MBTPS1: variants seen among roughly 807,000 people sequenced by gnomAD.
MBTPS1 encodes the protein membrane bound transcription factor peptidase, site 1.
A neutral mutation model predicts 127.8 loss-of-function variants in MBTPS1; 94 were observed. That is an observed-to-expected ratio of 0.74 (90% CI 0.62 to 0.87). The LOEUF (loss-of-function observed/expected upper bound fraction) is 0.87, where lower values mean the gene tolerates loss of function less well. MBTPS1 is among the 40% of genes least tolerant of loss of function. The probability of loss-of-function intolerance (pLI) is 0.00; values close to 1 mark genes in which losing one functional copy is unlikely to be tolerated. For missense variants in MBTPS1, 1,636 were observed against 1,353.2 expected (o/e 1.21, Z -3.28); for synonymous variants, 632 against 509.4 (o/e 1.24, Z -3.24).
At chr16:84,116,591 G>GC (rs996416346) in intron 1 of MBTPS1, 144 bp downstream of exon 1, 1 of 152,096 alleles carries the variant, frequency 6.6e-6, no homozygotes, top group African/African-American at 2.4e-5. Flanking sequence ...AGCGCCGGAG[G>GC]CCCCGCGCCC....
Position 84,074,563 on chromosome 16 carries a change from TCAAGTCAGAGAC to T in MBTPS1, c.1593+22_1593+33del, listed in dbSNP as rs758700125. 5.0e-6 allele frequency: 8 copies of T among 1,606,484 alleles called. No individual in the cohort carries two copies. In the East Asian group the frequency reaches 1.8e-4, roughly 36 times the overall value. ...GTCTGGGCTGTGTCTAAGTTCACCA[TCAAGTCAGAGAC>T]CAAGTCAGAGAGAAGTTTCACCTTA... On this transcript the variant is annotated intron_variant, in intron 12 of 22. Coordinates refer to ENST00000343411, the MANE Select transcript of MBTPS1 (RefSeq NM_003791.4).
rs752205348 is a variant in MBTPS1 at position 84,090,951 on chromosome 16, G to A, written c.964-9C>T. ...GCTGTTAATTCCCACACCTACAAAAGGAGCATTTATTTAATGAAAGTATCC... is the reference window on the plus strand; with the variant it reads ...GCTGTTAATTCCCACACCTACAAAAAGAGCATTTATTTAATGAAAGTATCC... On this transcript the variant is annotated splice_polypyrimidine_tract_variant and intron_variant, in intron 7 of 22. Transcript: ENST00000343411. 13 of 1,594,658 alleles carry A rather than the reference G, an allele frequency of 8.2e-6. No individual in the cohort carries two copies. The South Asian group carries it at 1.4e-4, about 18-fold the overall frequency.
At position 84,070,744 on chromosome 16, in the gene MBTPS1, T is replaced by G. The variant is rs759027685; in HGVS notation, c.1626A>C (p.Gly542=). ...PDWQPYLPQN[G]DNIEVAFSYS... Reference sequence around the variant, plus strand: ...AGGAGAAGGCAACTTCAATGTTGTCTCCGTTCTGTGGCAAATAGGGCTGCC... The same window carrying G: ...AGGAGAAGGCAACTTCAATGTTGTCGCCGTTCTGTGGCAAATAGGGCTGCC... The change falls in exon 13 of 23, where the codon GGA becomes GGC. Residue 542 remains glycine (G), a synonymous_variant. Transcript: ENST00000343411. 6.2e-7 allele frequency: 1 copy of G among 1,613,514 alleles called. No individual in the cohort carries two copies. Among genetic ancestry groups the G allele is most frequent in the Non-Finnish European group, 8.5e-7 (1 of 1,179,802 alleles).
chr16:84,054,368 AGCC>A lies in MBTPS1; in HGVS notation c.*78_*80del. 7.6e-7 allele frequency: 1 copy of A among 1,324,414 alleles called. No individual in the cohort carries two copies. The highest frequency in any genetic ancestry group is 1.0e-6 in the Non-Finnish European group (1 of 986,774). The allele number at this position is 1,324,414 out of a possible 1,614,324, so 82.0% of individuals were successfully genotyped here. The stretch of plus-strand genomic sequence containing the variant: ...CTGGAAACTGGATCCCTTTTAAACC[AGCC>A]GCCACCACAGCTCGGCTCACCCACC... On this transcript the variant is annotated 3_prime_UTR_variant, in exon 23 of 23. Coordinates refer to ENST00000343411, the MANE Select transcript of MBTPS1 (RefSeq NM_003791.4).
At chr16:84,109,462 G>A (rs978111859) in intron 1 of MBTPS1, 1 of 152,182 alleles carries the variant, frequency 6.6e-6, no homozygotes, top group Non-Finnish European at 1.5e-5. Flanking sequence ...TTACAGTGGA[G>A]AAGCTCCACC....
In MBTPS1 at chr16:84,087,473, C is replaced by CAAAAAAAAAAAAAAAGAAAAAAAA; in HGVS notation, c.1032-14_1032-13insTTTTTTTTCTTTTTTTTTTTTTTT. The CAAAAAAAAAAAAAAAGAAAAAAAA allele has an allele frequency of 9.7e-7, 1 of 1,036,174 alleles. No homozygotes were observed. The highest frequency in any genetic ancestry group is 2.5e-5 in the East Asian group (1 of 39,308). The allele number at this position is 1,036,174 out of a possible 1,614,324, so 64.2% of individuals were successfully genotyped here. Reference sequence around the variant, plus strand: ...GTTATTCAGAGTGCTATATTGAGACCAAAAAAAAAAAAAAAGAAAAGAAAA... The same window carrying CAAAAAAAAAAAAAAAGAAAAAAAA: ...GTTATTCAGAGTGCTATATTGAGACCAAAAAAAAAAAAAAAGAAAAAAAAAAAAAAAAAAAAAAAGAAAAGAAAA... On this transcript the variant is annotated splice_polypyrimidine_tract_variant and intron_variant, in intron 8 of 22. Transcript: ENST00000343411.
Position 84,102,092 on chromosome 16 carries a change from A to AC in MBTPS1, c.-310dup, listed in dbSNP as rs1444263021. On this transcript the variant is annotated 5_prime_UTR_variant, in exon 2 of 23. Transcript: ENST00000343411. Reference sequence around the variant, plus strand: ...AACGTCCAATGGGGTTGATCAATCAACCACTGTGAGCCAATCTATGAAACA... The same window carrying AC: ...AACGTCCAATGGGGTTGATCAATCAACCCACTGTGAGCCAATCTATGAAACA... 1.2e-5 allele frequency: 3 copies of AC among 246,214 alleles called. No individual in the cohort carries two copies. Among genetic ancestry groups the AC allele is most frequent in the African/African-American group, 6.7e-5 (3 of 44,768 alleles). 15.3% of individuals were successfully genotyped at this position (246,214 alleles called of 1,614,324 possible). A position where few individuals can be genotyped will look rare whatever the true frequency, so the allele number is the denominator to read the frequency against.
intron 12 of MBTPS1, among the ~76,000 whole-genome samples, chr16:84,073,842 TA>T (rs1274492920): frequency 1.3e-5 from 2 of 151,964 alleles, no homozygotes; most frequent in East Asian, 3.9e-4. Context: ...CTGTCTCCAC[TA>T]AAAATGCAAA....
At chr16:84,108,451 A>G (rs185305671) in intron 1 of MBTPS1, among the ~76,000 whole-genome samples, 83 of 152,216 alleles carry the variant, frequency 5.5e-4, no homozygotes, top group African/African-American at 1.9e-3. Context: ...TTTAGTAGAG[A>G]CAGGATTTTG....
Position 84,065,678 on chromosome 16 carries a change from G to C in MBTPS1, c.2431+12C>G. 6.3e-7 allele frequency: 1 copy of C among 1,599,502 alleles called. No homozygotes were observed. The highest frequency in any genetic ancestry group is 8.6e-7 in the Non-Finnish European group (1 of 1,167,340). ...AAGAAGAAGCAAAAGGCCCATGAAT[G>C]GCATCCTTTACCTTGGTCCTTGAAA... is the stretch of plus-strand genomic sequence containing the variant. On this transcript the variant is annotated intron_variant, in intron 18 of 22. Transcript: ENST00000343411.
intron 14 of MBTPS1, among the ~76,000 whole-genome samples, chr16:84,068,936 C>T (rs2085730224): frequency 2.0e-5 from 3 of 152,176 alleles, no homozygotes; most frequent in Admixed American, 2.0e-4. Flanking sequence ...GCTCACTTTC[C>T]TATGGGACAC....
intron 17 of MBTPS1, 81 bp from the exon 18 acceptor site, chr16:84,065,848 T>C: frequency 2.6e-6 from 2 of 774,074 alleles, no homozygotes; most frequent in Admixed American, 2.8e-5. Context: ...TTACCCAAAA[T>C]ACATTCTTCA....
In MBTPS1 at chr16:84,056,121, T is replaced by C. The variant is rs141348745; in HGVS notation, c.2846A>G (p.His949Arg). Residue 949 changes from histidine (H) to arginine (R), a missense_variant, in exon 22 of 23, where the codon CAT becomes CGT. His to Arg is a conservative substitution (Grantham distance 29, BLOSUM62 0). Transcript: ENST00000343411. Reference sequence around the variant, plus strand: ...CAGGTCAATGGAGAGTAGCTTCTGATGTTTCCAAAGGTTACTTCAGGAAAA... The same window carrying C: ...CAGGTCAATGGAGAGTAGCTTCTGACGTTTCCAAAGGTTACTTCAGGAAAA... ...NETAPSNLWK[H>R]QKLLSIDLDK... 3.7e-6 allele frequency: 6 copies of C among 1,614,086 alleles called. No homozygotes were observed. In the African/African-American group the frequency reaches 8.0e-5, roughly 22 times the overall value.
intron 12 of MBTPS1, among the ~76,000 whole-genome samples, chr16:84,074,237 CT>C (rs779174930): frequency 1.6e-3 from 228 of 144,064 alleles, no homozygotes; most frequent in Middle Eastern, 7.1e-3. Context: ...GGGCTATTTC[CT>C]TTTTTTTTTT....
chr16:84,059,318 T>C lies in MBTPS1; in HGVS notation c.2815A>G (p.Asn939Asp). 6.2e-7 allele frequency: 1 copy of C among 1,613,770 alleles called. No homozygotes were observed. Among genetic ancestry groups the C allele is most frequent in the South Asian group, 1.1e-5 (1 of 91,060 alleles). ...RLSWAKPQPL[N>D]ETAPSNLWKH... is the part of the protein sequence containing the mutation. ...GACACTAACCTGGGCGCCGTCTCGTTTAAAGGCTGTGGCTTGGCCCAAGAC... is the reference window on the plus strand; with the variant it reads ...GACACTAACCTGGGCGCCGTCTCGTCTAAAGGCTGTGGCTTGGCCCAAGAC... The change falls in exon 21 of 23, where the codon AAC becomes GAC. Residue 939 changes from asparagine to aspartate, a missense_variant. Asn to Asp is a conservative substitution (Grantham distance 23). Transcript: ENST00000343411.
At chr16:84,085,288 C>A (rs1423082446) in intron 9 of MBTPS1, among the ~76,000 whole-genome samples, 154 bp from the exon 10 acceptor site, 1 of 152,146 alleles carries the variant, frequency 6.6e-6, no homozygotes, top group African/African-American at 2.4e-5. Flanking sequence ...TCACTCCAGG[C>A]CAGGCGCAAG....
At chr16:84,055,587 T>G (rs2085510369) in intron 22 of MBTPS1, among the ~76,000 whole-genome samples, 1 of 152,156 alleles carries the variant, frequency 6.6e-6, no homozygotes, top group African/African-American at 2.4e-5. Flanking sequence ...GGCAGAGAAC[T>G]GAAGGGGCCT....
In MBTPS1 at chr16:84,100,705, C is replaced by T. The variant is rs1032097890; in HGVS notation, c.163+916G>A. Among the ~76,000 whole-genome samples, 21 of 151,764 alleles carry T rather than the reference C, an allele frequency of 1.4e-4. No individual in the cohort carries two copies. In the East Asian group the frequency reaches 3.1e-3, roughly 23 times the overall value. On this transcript the variant is annotated intron_variant, in intron 2 of 22. Coordinates refer to ENST00000343411, the MANE Select transcript of MBTPS1 (RefSeq NM_003791.4). ...TGGCACCACTGCACTCCAGCCTGGG[C>T]GACAAGAGCAAAACTCTGTCTCCAA...
intron 12 of MBTPS1, among the ~76,000 whole-genome samples, chr16:84,071,305 G>A (rs996568251): frequency 6.6e-6 from 1 of 152,216 alleles, no homozygotes; most frequent in African/African-American, 2.4e-5. Context: ...AGCAGAAAGG[G>A]AAGCGTGAGC....
Sources: allele counts gnomAD v4.1 joint callset (sites outside exome capture counted in the v4.1 genomes callset), GRCh38; gene constraint gnomAD v4.1.1; transcripts MANE v1.5; gene names NCBI Gene and HGNC (gene_info 2026-07-23, HGNC 2026-07-21).